The following PDZD2 variants were observed in gnomAD, a reference collection of about 807,000 sequenced individuals.
PDZD2 encodes the protein PDZ domain containing 2, also known as PDZ domain-containing protein 2.
Under a neutral mutation model 220.7 loss-of-function variants are expected in PDZD2, and 90 were observed. The ratio of observed to expected loss-of-function variants is 0.41; its 90% CI spans 0.34 to 0.49. The LOEUF (loss-of-function observed/expected upper bound fraction) is 0.49, where lower values mean the gene tolerates loss of function less well. PDZD2 is among the 20% of genes least tolerant of loss of function. The pLI is 0.28. For missense variants in PDZD2, 3,174 were observed against 3,608.5 expected (o/e 0.88, Z 3.08); for synonymous variants, 1,375 against 1,450.5 (o/e 0.95, Z 1.18).
At chr5:31,832,972 C>T (rs1305916771) in intron 2 of PDZD2, among the ~76,000 whole-genome samples, 1 of 152,086 alleles carries the variant, frequency 6.6e-6, no homozygotes, top group East Asian at 1.9e-4. Context: ...GGTTTTCCCT[C>T]GTTCCACAAG....
intron 2 of PDZD2, among the ~76,000 whole-genome samples, chr5:31,937,337 A>G (rs757455186): frequency 1.1e-4 from 17 of 152,154 alleles, no homozygotes; most frequent in Admixed American, 2.0e-4. Context: ...CCTGAGAAGA[A>G]CGTCAGAGGT....
chr5:32,106,805 T>A (rs980930817), intron 24 of PDZD2, among the ~76,000 whole-genome samples: 1 of 152,148 alleles, frequency 6.6e-6, no homozygotes, highest in African/African-American at 2.4e-5. Flanking sequence ...TCCAAAAATG[T>A]ATCTATCTCA....
intron 2 of PDZD2, among the ~76,000 whole-genome samples, chr5:31,857,394 T>C (rs1324399085): frequency 1.3e-5 from 2 of 152,170 alleles, no homozygotes; most frequent in African/African-American, 4.8e-5. Context: ...TGTCTTCCTT[T>C]TTCTTTACAT....
At chr5:31,766,364 A>G (rs962624131) in intron 1 of PDZD2, among the ~76,000 whole-genome samples, 1 of 152,152 alleles carries the variant, frequency 6.6e-6, no homozygotes, top group Non-Finnish European at 1.5e-5. Context: ...TTTCTTTTTT[A>G]TTATTGTATT....
At chr5:31,900,693 A>G (rs7736770) in intron 2 of PDZD2, among the ~76,000 whole-genome samples, 3,072 of 152,278 alleles carry the variant, frequency 0.02, 124 homozygotes, top group African/African-American at 0.071. Flanking sequence ...ATTTCTTGGG[A>G]GGCTGAAGAT....
rs143888589 is a variant in PDZD2 at position 31,770,408 on chromosome 5, G to A, written c.-360-28481G>A. Among the ~76,000 whole-genome samples, 479 of 152,280 alleles carry A rather than the reference G, an allele frequency of 3.1e-3. 2 individuals carry two copies. Among genetic ancestry groups the A allele is most frequent in the African/African-American group, 0.011 (466 of 41,580 alleles). ...GAATTCATTTGCAGCTGAATGGCAG[G>A]CTTTTGGATTGGAAGAGAGTATTTG... On this transcript the variant is annotated intron_variant, in intron 1 of 24. Transcript: ENST00000438447.
intron 2 of PDZD2, among the ~76,000 whole-genome samples, chr5:31,949,104 A>T: frequency 7.3e-6 from 1 of 136,500 alleles, no homozygotes. Flanking sequence ...TCTCAAAAAA[A>T]AAAAAAAAAA....
chr5:32,045,911 T>G (rs574625441), intron 7 of PDZD2, among the ~76,000 whole-genome samples: 21 of 152,330 alleles, frequency 1.4e-4, no homozygotes, highest in African/African-American at 5.0e-4. Context: ...TCAATACTTT[T>G]TAAAACAATA....
At chr5:32,013,684 A>G (rs1753504594) in intron 6 of PDZD2, among the ~76,000 whole-genome samples, 1 of 152,000 alleles carries the variant, frequency 6.6e-6, no homozygotes, top group South Asian at 2.1e-4. Context: ...CTCTTAATAC[A>G]CTGATCCTAA....
chr5:32,062,999 A>G (rs1162017788), intron 14 of PDZD2, among the ~76,000 whole-genome samples: 1 of 148,820 alleles, frequency 6.7e-6, no homozygotes, highest in Admixed American at 6.7e-5. Flanking sequence ...TTGTAAAGAT[A>G]CCCATATAGT....
chr5:31,983,314 G>A lies in PDZD2; in HGVS notation c.636G>A (p.Lys212=), dbSNP rs201173377. ...TLELGDRTAK[K]GKRTRKFGVI... ...AGCTGGGTGACCGAACTGCGAAAAA[G>A]GGGAAACGAACCAGAAAGTTTGGGG... Residue 212 remains lysine (K), a synonymous_variant, in exon 3 of 25, where the codon AAG becomes AAA. Transcript: ENST00000438447. The A allele has an allele frequency of 9.9e-6, 16 of 1,614,202 alleles. No homozygotes were observed. In the African/African-American group the frequency reaches 2.0e-4, roughly 20 times the overall value.
chr5:32,100,589 G>A (rs968001413), intron 23 of PDZD2: 8 of 341,922 alleles, frequency 2.3e-5, no homozygotes, highest in African/African-American at 8.6e-5. Context: ...GGAGCGGGGA[G>A]GCAGGAAGCT....
chr5:31,718,212 T>G (rs921241199), intron 1 of PDZD2, among the ~76,000 whole-genome samples: 33 of 152,232 alleles, frequency 2.2e-4, no homozygotes, highest in African/African-American at 7.7e-4. Flanking sequence ...ATCTGCTGAT[T>G]TATGGAGGAC....
chr5:31,960,613 C>T (rs1281762835), intron 2 of PDZD2, among the ~76,000 whole-genome samples: 2 of 152,092 alleles, frequency 1.3e-5, no homozygotes, highest in Non-Finnish European at 2.9e-5. Context: ...GTGCCTTCAC[C>T]TCCTCCCAGC....
intron 8 of PDZD2, among the ~76,000 whole-genome samples, chr5:32,049,711 C>A (rs1403054748): frequency 6.6e-6 from 1 of 152,182 alleles, no homozygotes; most frequent in Non-Finnish European, 1.5e-5. Flanking sequence ...AGGAGAATAA[C>A]AAGTGCCCAT....
chr5:32,020,654 C>CTTT (rs571535958), intron 6 of PDZD2, among the ~76,000 whole-genome samples: 2 of 133,120 alleles, frequency 1.5e-5, no homozygotes, highest in African/African-American at 3.1e-5. Flanking sequence ...TTTTTTTTTT[C>CTTT]TTTTTTTTTT....
chr5:31,667,235 C>CA (rs3031718), intron 1 of PDZD2, among the ~76,000 whole-genome samples: 15,995 of 52,856 alleles, frequency 0.3, 3,350 homozygotes, highest in East Asian at 0.51. Context: ...GACTCCGTCT[C>CA]AAAAAAAAAA....
intron 1 of PDZD2, among the ~76,000 whole-genome samples, chr5:31,679,217 A>T (rs1015644080): frequency 6.6e-6 from 1 of 152,250 alleles, no homozygotes; most frequent in African/African-American, 2.4e-5. Flanking sequence ...CCTGCCCTTG[A>T]CTGAAAGATC....
chr5:32,095,294 C>T (rs568519466), intron 21 of PDZD2, among the ~76,000 whole-genome samples: 9 of 152,334 alleles, frequency 5.9e-5, no homozygotes, highest in East Asian at 1.9e-4. Flanking sequence ...TATCAGAACA[C>T]GGCGTTCTTT....
Sources: gnomAD v4.1 joint callset for allele counts (sites outside exome capture counted in the v4.1 genomes callset) on GRCh38, gnomAD v4.1.1 for gene constraint, MANE v1.5 for transcripts, NCBI Gene and HGNC (gene_info 2026-07-23, HGNC 2026-07-21) for gene names.